FMNL3: variants seen among roughly 807,000 people sequenced by gnomAD.
FMNL3 encodes the protein formin like 3, also known as formin-like protein 3.
Under a neutral mutation model 119.6 loss-of-function variants are expected in FMNL3, and 57 were observed. The ratio of observed to expected loss-of-function variants is 0.48; its 90% CI spans 0.39 to 0.59. FMNL3 has a LOEUF of 0.59. Among genes scored for constraint, FMNL3 ranks in the 20% least tolerant of loss-of-function variants. The pLI is 0.00. For missense variants in FMNL3, 1,053 were observed against 1,323.5 expected (o/e 0.80, Z 3.17); for synonymous variants, 491 against 507.3 (o/e 0.97, Z 0.43).
rs901636980 is a variant in FMNL3 at position 49,660,783 on chromosome 12, C to A, written c.452+1183G>T. Among the ~76,000 whole-genome samples, 61 of 152,320 alleles carry A rather than the reference C, an allele frequency of 4.0e-4. 2 individuals carry two copies. The highest frequency in any genetic ancestry group is 3.7e-3 in the Admixed American group (56 of 15,302). On this transcript the variant is annotated intron_variant, in intron 5 of 25. Transcript: ENST00000335154. ...GGCCAGCCTGGGCAGCATGGTGAAA[C>A]CCCGTCCCTACTAAAAACACACAAA...
intron 1 of FMNL3, among the ~76,000 whole-genome samples, chr12:49,684,617 C>A (rs946158953): frequency 3.3e-5 from 5 of 152,184 alleles, no homozygotes; most frequent in Admixed American, 1.3e-4. Flanking sequence ...GCCACCGCGA[C>A]CTGTTGCCCC....
At chr12:49,684,122 G>A (rs554005086) in intron 1 of FMNL3, among the ~76,000 whole-genome samples, 1 of 152,268 alleles carries the variant, frequency 6.6e-6, no homozygotes, top group East Asian at 1.9e-4. Context: ...ACTCCTGGGG[G>A]CAGGATGACT....
At position 49,649,882 on chromosome 12, in the gene FMNL3, T is replaced by C. The variant is rs1297761466; in HGVS notation, c.2044A>G (p.Met682Val). The C allele has an allele frequency of 6.2e-7, 1 of 1,613,968 alleles. No homozygotes were observed. The highest frequency in any genetic ancestry group is 1.3e-5 in the African/African-American group (1 of 74,918). Reference protein sequence around the residue: ...TLPVDFVECLMRFLPTEAEVK... With the variant: ...TLPVDFVECLVRFLPTEAEVK... ...TCAGCCTCTGTGGGCAGGAAGCGCA[T>C]CAGGCACTCCACGAAGTCCACAGGT... Residue 682 changes from methionine to valine, a missense_variant, in exon 18 of 26, where the codon ATG (methionine) becomes GTG (valine). Physicochemically the swap from Met to Val is conservative, Grantham distance 21. Transcript: ENST00000335154. This position sits in a 1 kb window ranked among gnomAD's most constrained non-coding sequence, Gnocchi z 5.6.
In FMNL3 at chr12:49,649,974, T is replaced by A. The variant is rs574222095; in HGVS notation, c.2001-49A>T. The stretch of plus-strand genomic sequence containing the variant: ...TCAGTTCTCACATCTCTCCACGTTT[T>A]CCCTCATCCCTTTTATTCTCCAAGC... On this transcript the variant is annotated intron_variant, in intron 17 of 25. Coordinates refer to ENST00000335154, the MANE Select transcript of FMNL3 (RefSeq NM_175736.5). The surrounding 1 kb of genome is among the most constrained non-coding windows in gnomAD (Gnocchi z 5.6). 3.4e-5 allele frequency: 51 copies of A among 1,504,264 alleles called. No homozygotes were observed. The Middle Eastern group carries it at 8.5e-4, about 25-fold the overall frequency. The allele number at this position is 1,504,264 out of a possible 1,614,324, so 93.2% of individuals were successfully genotyped here. A position where few individuals can be genotyped will look rare whatever the true frequency, so the allele number is the denominator to read the frequency against.
chr12:49,650,019 G>A (rs560036725), intron 17 of FMNL3, 94 bp from the exon 18 acceptor site: 1 of 1,128,960 alleles, frequency 8.9e-7, no homozygotes, highest in African/African-American at 1.5e-5. Flanking sequence ...AACTGGACAG[G>A]GGACTGTACA....
intron 16 of FMNL3, 29 bp downstream of exon 16, chr12:49,651,139 T>C (rs758304693): frequency 1.2e-6 from 2 of 1,608,276 alleles, no homozygotes; most frequent in Admixed American, 3.3e-5. Context: ...GCCCTCAACC[T>C]TAGCCCTCTG....
chr12:49,653,750 T>C lies in FMNL3; in HGVS notation c.1196A>G (p.Glu399Gly). ...ATGGGACACATGCTCCTCCAACTCC[T>C]CCACCTTCTCCAGGGCTACATTCTT... ...ETKNVALEKVEELEEHVSHLT... is the reference protein window; with the variant it reads ...ETKNVALEKVGELEEHVSHLT... Residue 399 changes from glutamate to glycine, a missense_variant, in exon 12 of 26, where the codon GAG becomes GGG. Glu to Gly is a moderately conservative substitution (Grantham distance 98). Coordinates refer to ENST00000335154, the MANE Select transcript of FMNL3 (RefSeq NM_175736.5). 6.2e-7 allele frequency: 1 copy of C among 1,614,156 alleles called. No individual in the cohort carries two copies. Among genetic ancestry groups the C allele is most frequent in the South Asian group, 1.1e-5 (1 of 91,080 alleles).
At chr12:49,648,631 C>T (rs1943291286) in intron 21 of FMNL3, among the ~76,000 whole-genome samples, 1 of 152,238 alleles carries the variant, frequency 6.6e-6, no homozygotes. Context: ...CAGGCCTGCC[C>T]TAGGGTTCAT....
chr12:49,657,079 T>C lies in FMNL3; in HGVS notation c.714+3A>G. 6.2e-7 allele frequency: 1 copy of C among 1,613,680 alleles called. No individual in the cohort carries two copies. Among genetic ancestry groups the C allele is most frequent in the Non-Finnish European group, 8.5e-7 (1 of 1,179,594 alleles). ...GCACCTATGGCTAGTGCTTCCCCCTTACCTGATAGTTCATGATGGCTCTGA... is the reference window on the plus strand; with the variant it reads ...GCACCTATGGCTAGTGCTTCCCCCTCACCTGATAGTTCATGATGGCTCTGA... On this transcript the variant is annotated splice_donor_region_variant and intron_variant, in intron 7 of 25. Transcript: ENST00000335154.
chr12:49,665,695 G>T (rs1257564615), intron 4 of FMNL3, 137 bp downstream of exon 4: 2 of 863,714 alleles, frequency 2.3e-6, no homozygotes, highest in East Asian at 4.9e-5. Context: ...TGGGGAGCCA[G>T]AAGCCATTCA....
chr12:49,651,157 G>C lies in FMNL3; in HGVS notation c.1797+11C>G, dbSNP rs1375447858. ...CTCAACCTTAGCCCTCTGGACCCCAGGCCCTGTTACCTCCAAGATCTTCTC... is the reference window on the plus strand; with the variant it reads ...CTCAACCTTAGCCCTCTGGACCCCACGCCCTGTTACCTCCAAGATCTTCTC... On this transcript the variant is annotated intron_variant, in intron 16 of 25. Transcript: ENST00000335154. 6.2e-7 allele frequency: 1 copy of C among 1,611,836 alleles called. No homozygotes were observed. Among genetic ancestry groups the C allele is most frequent in the Non-Finnish European group, 8.5e-7 (1 of 1,178,032 alleles).
chr12:49,676,330 G>A (rs1398866578), intron 1 of FMNL3, among the ~76,000 whole-genome samples: 1 of 152,118 alleles, frequency 6.6e-6, no homozygotes, highest in African/African-American at 2.4e-5. Context: ...TAAAGGGAGG[G>A]AATATAACCT....
rs758251374 is a variant in FMNL3 at position 49,653,834 on chromosome 12, A to G, written c.1112T>C (p.Ile371Thr). ...AAACACGTTGTCCAGATATGCCTGA[A>G]TCTGCACCTGCAGCTTCTCGCTCTC... is the stretch of plus-strand genomic sequence containing the variant. ...HTESEKLQVQIQAYLDNVFDV... is the reference protein window; with the variant it reads ...HTESEKLQVQTQAYLDNVFDV... The change falls in exon 12 of 26, where the codon ATT (isoleucine) becomes ACT (threonine). Residue 371 changes from isoleucine to threonine, a missense_variant. Physicochemically the swap from Ile to Thr is moderately conservative, Grantham distance 89. Coordinates refer to ENST00000335154, the MANE Select transcript of FMNL3 (RefSeq NM_175736.5). 1 of 1,614,214 alleles carries G rather than the reference A, an allele frequency of 6.2e-7. No individual in the cohort carries two copies. Among genetic ancestry groups the G allele is most frequent in the Non-Finnish European group, 8.5e-7 (1 of 1,180,042 alleles).
chr12:49,671,582 C>T (rs1171240490), intron 1 of FMNL3, among the ~76,000 whole-genome samples: 1 of 152,230 alleles, frequency 6.6e-6, no homozygotes, highest in Admixed American at 6.5e-5. Flanking sequence ...TCCTGCTAGA[C>T]AAGGGCATCA....
At chr12:49,646,286 A>C (rs1943181858) in intron 25 of FMNL3, among the ~76,000 whole-genome samples, 1 of 152,192 alleles carries the variant, frequency 6.6e-6, no homozygotes, top group South Asian at 2.1e-4. Context: ...CCGTAGGGAA[A>C]GGTTCCTTAG....
Position 49,666,161 on chromosome 12 carries a change from A to T in FMNL3, c.257T>A (p.Leu86His). ...TACACTGGGGTCCAAGAAGCTCTGGAGTTTCTGAATGTAAGTGTGGGGAGG... is the reference window on the plus strand; with the variant it reads ...TACACTGGGGTCCAAGAAGCTCTGGTGTTTCTGAATGTAAGTGTGGGGAGG... ...KNPPHTYIQKLQSFLDPSVTR... is the reference protein window; with the variant it reads ...KNPPHTYIQKHQSFLDPSVTR... Residue 86 changes from leucine (L) to histidine (H), a missense_variant, in exon 3 of 26, where the codon CTC becomes CAC. Coordinates refer to ENST00000335154, the MANE Select transcript of FMNL3 (RefSeq NM_175736.5). The T allele has an allele frequency of 6.2e-7, 1 of 1,614,106 alleles. No individual in the cohort carries two copies. Among genetic ancestry groups the T allele is most frequent in the Non-Finnish European group, 8.5e-7 (1 of 1,179,984 alleles).
At chr12:49,692,690 C>G (rs1320348710) in intron 1 of FMNL3, among the ~76,000 whole-genome samples, 1 of 152,188 alleles carries the variant, frequency 6.6e-6, no homozygotes, top group Non-Finnish European at 1.5e-5. Flanking sequence ...AGTGCCTACC[C>G]TGTGCCAGGT....
chr12:49,685,320 G>T (rs1269521344), intron 1 of FMNL3, among the ~76,000 whole-genome samples: 1 of 152,098 alleles, frequency 6.6e-6, no homozygotes, highest in Admixed American at 6.5e-5. Flanking sequence ...TCCCTAGCTG[G>T]GCATGGTGGC....
At chr12:49,660,684 C>G (rs1049238788) in intron 5 of FMNL3, among the ~76,000 whole-genome samples, 2 of 152,262 alleles carry the variant, frequency 1.3e-5, no homozygotes, top group Admixed American at 6.5e-5. Flanking sequence ...TGGTTGGGAG[C>G]AGCGGCTCAC....
Sources: gnomAD v4.1 joint callset for allele counts (sites outside exome capture counted in the v4.1 genomes callset) on GRCh38, gnomAD v4.1.1 for gene constraint, Gnocchi (gnomAD v3.1) non-coding constraint, MANE v1.5 for transcripts, NCBI Gene and HGNC (gene_info 2026-07-23, HGNC 2026-07-21) for gene names.